The following HHAT variants were observed in gnomAD, a reference collection of about 807,000 sequenced individuals.
HHAT encodes the protein protein-cysteine N-palmitoyltransferase HHAT.
A neutral mutation model predicts 70.8 loss-of-function variants in HHAT; 47 were observed. That is an observed-to-expected ratio of 0.66 (90% CI 0.53 to 0.85). HHAT has a LOEUF of 0.85. Ranked by LOEUF, HHAT falls within the 40% of genes least tolerant of loss-of-function variation. The pLI, the probability that HHAT is intolerant of heterozygous loss-of-function variation, is 0.00. For missense variants in HHAT, 609 were observed against 604.8 expected (o/e 1.01, Z -0.07); for synonymous variants, 228 against 247.6 (o/e 0.92, Z 0.74).
chr1:210,626,858 GT>G (rs1326310918), intron 11 of HHAT, among the ~76,000 whole-genome samples: 5 of 152,148 alleles, frequency 3.3e-5, no homozygotes, highest in African/African-American at 7.2e-5. Flanking sequence ...ACCCCAAAAA[GT>G]TTAGTTAAGG....
chr1:210,416,993 A>T (rs371286563), intron 6 of HHAT, among the ~76,000 whole-genome samples: 2 of 152,190 alleles, frequency 1.3e-5, no homozygotes, highest in East Asian at 1.9e-4. Flanking sequence ...TTTGATCCTG[A>T]TCCTCTGACT....
intron 3 of HHAT, among the ~76,000 whole-genome samples, chr1:210,386,981 C>T (rs878893855): frequency 6.6e-6 from 1 of 152,184 alleles, no homozygotes; most frequent in Non-Finnish European, 1.5e-5. Flanking sequence ...GAATAACTGA[C>T]TTTAAGCCAT....
At chr1:210,383,878 C>T (rs923361125) in intron 3 of HHAT, among the ~76,000 whole-genome samples, 8 of 152,160 alleles carry the variant, frequency 5.3e-5, no homozygotes, top group African/African-American at 1.9e-4. Flanking sequence ...GAAGAAAGGA[C>T]AGGTCTGTCA....
chr1:210,608,639 A>G (rs1014020938), intron 10 of HHAT, among the ~76,000 whole-genome samples: 3 of 152,300 alleles, frequency 2.0e-5, no homozygotes, highest in Non-Finnish European at 4.4e-5. Context: ...TAATTGTAGT[A>G]TGATTTGAGT....
At chr1:210,471,390 T>C (rs2094202013) in intron 8 of HHAT, among the ~76,000 whole-genome samples, 1 of 151,942 alleles carries the variant, frequency 6.6e-6, no homozygotes, top group Non-Finnish European at 1.5e-5. Flanking sequence ...TTATCAGATG[T>C]TGTGCCACAT....
rs869305965 is a variant in HHAT at position 210,386,230 on chromosome 1, C to CTTTTTTTTTTT, written c.160-1222_160-1212dup. 1.9e-3 allele frequency among the ~76,000 whole-genome samples: 134 copies of CTTTTTTTTTTT among 69,918 alleles called. 5 individuals are homozygous for CTTTTTTTTTTT. The highest frequency in any genetic ancestry group is 4.5e-3 in the African/African-American group (72 of 16,044). 45.9% of individuals were successfully genotyped at this position (69,918 alleles called of 152,430 possible). A position where few individuals can be genotyped will look rare whatever the true frequency, so the allele number is the denominator to read the frequency against. On this transcript the variant is annotated intron_variant, in intron 3 of 11. Coordinates refer to ENST00000261458, the MANE Select transcript of HHAT (RefSeq NM_018194.6). ...ATTGCAGGAGTCCTTTTCTTTTTTTCTTTTTTTTTTTTTTTTTTTTTTTTT... is the reference window on the plus strand; with the variant it reads ...ATTGCAGGAGTCCTTTTCTTTTTTTCTTTTTTTTTTTTTTTTTTTTTTTTTTTTTTTTTTTT...
intron 7 of HHAT, among the ~76,000 whole-genome samples, chr1:210,463,633 T>C (rs573730315): frequency 6.6e-6 from 1 of 152,220 alleles, no homozygotes; most frequent in African/African-American, 2.4e-5. Context: ...TGTGAACATA[T>C]GTTTTGTGTG....
rs771216269 is a variant in HHAT at position 210,404,517 on chromosome 1, C to A, written c.522C>A (p.Thr174=). Residue 174 remains threonine (T), a synonymous_variant, in exon 6 of 12, where the codon ACC becomes ACA. Coordinates refer to ENST00000261458, the MANE Select transcript of HHAT (RefSeq NM_018194.6). The part of the protein sequence containing the change: ...NEYYLLQFTL[T]VRCLYYTSFS... ...ACTACCTGCTGCAGTTCACGCTGAC[C>A]GTTCGCTGCCTGTACTACACCAGCT... The A allele has an allele frequency of 4.3e-6, 7 of 1,613,494 alleles. No homozygotes were observed. The highest frequency in any genetic ancestry group is 2.2e-5 in the East Asian group (1 of 44,882).
intron 9 of HHAT, among the ~76,000 whole-genome samples, chr1:210,538,101 C>T (rs1278381917): frequency 2.0e-5 from 3 of 149,526 alleles, no homozygotes; most frequent in Non-Finnish European, 4.4e-5. Flanking sequence ...TTTCTCCATA[C>T]AGACCTTTAT....
At chr1:210,410,259 T>C (rs1042730540) in intron 6 of HHAT, among the ~76,000 whole-genome samples, 5 of 151,444 alleles carry the variant, frequency 3.3e-5, no homozygotes, top group Non-Finnish European at 5.9e-5. Context: ...GGTTTCATCG[T>C]GTTAGCCAGA....
chr1:210,387,659 C>A, intron 4 of HHAT, 78 bp downstream of exon 4: 2 of 1,105,606 alleles, frequency 1.8e-6, no homozygotes, highest in South Asian at 1.3e-5. Flanking sequence ...AGCTAGGAAT[C>A]GGAAGACTTG....
In HHAT at chr1:210,576,767, A is replaced by T. The variant is rs192253274; in HGVS notation, c.1044-11131A>T. 1.3e-4 allele frequency among the ~76,000 whole-genome samples: 20 copies of T among 152,332 alleles called. No homozygotes were observed. In the East Asian group the frequency reaches 2.9e-3, roughly 22 times the overall value. ...CATTATTAGTAAGTATAAACCTTTC[A>T]TGTGTATGCAGTGTTAAAATCTCCA... is the stretch of plus-strand genomic sequence containing the variant. On this transcript the variant is annotated intron_variant, in intron 9 of 11. Coordinates refer to ENST00000261458, the MANE Select transcript of HHAT (RefSeq NM_018194.6).
Position 210,623,534 on chromosome 1 carries a change from C to T in HHAT, c.1254C>T (p.Tyr418=). ...TGCCATTTTTCCCGTAGGCCCGATA[C>T]TTCTCCCCACAAGCTCGCCGTCGAT... ...TPCIQDSLAR[Y]FSPQARRRFH... Residue 418 remains tyrosine (Y), a synonymous_variant, in exon 11 of 12, where the codon TAC becomes TAT. Transcript: ENST00000261458. 1 of 1,614,062 alleles carries T rather than the reference C, an allele frequency of 6.2e-7. No homozygotes were observed. The highest frequency in any genetic ancestry group is 8.5e-7 in the Non-Finnish European group (1 of 1,180,002).
At chr1:210,420,218 T>A (rs1424981393) in intron 7 of HHAT, among the ~76,000 whole-genome samples, 2 of 152,236 alleles carry the variant, frequency 1.3e-5, no homozygotes, top group African/African-American at 4.8e-5. Flanking sequence ...TGTTAACACC[T>A]CGTCGTATGA....
At chr1:210,553,371 C>A (rs1037740736) in intron 9 of HHAT, among the ~76,000 whole-genome samples, 1 of 152,146 alleles carries the variant, frequency 6.6e-6, no homozygotes, top group Non-Finnish European at 1.5e-5. Flanking sequence ...ACAGAGCTTC[C>A]CTAGATTCAG....
At chr1:210,368,098 A>G (rs1219020018) in intron 3 of HHAT, among the ~76,000 whole-genome samples, 2 of 152,172 alleles carry the variant, frequency 1.3e-5, no homozygotes, top group Non-Finnish European at 1.5e-5. Context: ...TGCTCGATGA[A>G]GTAAACATGT....
intron 11 of HHAT, among the ~76,000 whole-genome samples, chr1:210,637,006 C>T (rs1033694439): frequency 2.6e-5 from 4 of 152,194 alleles, no homozygotes; most frequent in East Asian, 1.9e-4. Flanking sequence ...CTCTCTACTA[C>T]TCAAATTCCC....
At chr1:210,632,160 G>A (rs1352689218) in intron 11 of HHAT, among the ~76,000 whole-genome samples, 1 of 152,192 alleles carries the variant, frequency 6.6e-6, no homozygotes, top group Non-Finnish European at 1.5e-5. Context: ...AAAAGAGTGT[G>A]TTACGGTTGA....
chr1:210,575,253 T>G (rs1350768103), intron 9 of HHAT, among the ~76,000 whole-genome samples: 1 of 151,894 alleles, frequency 6.6e-6, no homozygotes, highest in Non-Finnish European at 1.5e-5. Context: ...CGCCCCCACC[T>G]TTTCCTTTGG....
Sources: gnomAD v4.1 joint callset for allele counts (sites outside exome capture counted in the v4.1 genomes callset) on GRCh38, gnomAD v4.1.1 for gene constraint, MANE v1.5 for transcripts, NCBI Gene and HGNC (gene_info 2026-07-23, HGNC 2026-07-21) for gene names.